Variants in DLGAP3 observed in about 807,000 individuals in gnomAD.
DLGAP3 encodes the protein DLG associated protein 3, also known as disks large-associated protein 3.
Under a neutral mutation model 81.2 loss-of-function variants are expected in DLGAP3, and 17 were observed. The ratio of observed to expected loss-of-function variants is 0.21; its 90% CI spans 0.14 to 0.31. DLGAP3 has a LOEUF of 0.31. DLGAP3 is among the 10% of genes least tolerant of loss of function. DLGAP3 has a pLI of 1.00. For missense variants in DLGAP3, 1,124 were observed against 1,388.0 expected (o/e 0.81, Z 3.02); for synonymous variants, 577 against 587.4 (o/e 0.98, Z 0.26).
chr1:34,881,993 T>A (rs1436271327), intron 8 of DLGAP3, among the ~76,000 whole-genome samples: 1 of 152,208 alleles, frequency 6.6e-6, no homozygotes, highest in African/African-American at 2.4e-5. Flanking sequence ...ACAGAAGTCC[T>A]ATTCAATGCA....
chr1:34,885,625 G>T lies in DLGAP3; in HGVS notation c.1767C>A (p.Ala589=). Residue 589 remains alanine, a synonymous_variant, in exon 7 of 12, where the codon GCC becomes GCA. Coordinates refer to ENST00000373347, the MANE Select transcript of DLGAP3 (RefSeq NM_001080418.3). ...CCAACTCCAGTGTGCGCGCACCCAT[G>T]GCGGGGCCGTCCAGCCCGTCGGCGG... The part of the protein sequence containing the change: ...CSSADGLDGP[A]MGARTLELAP... 6 of 1,544,700 alleles carry T rather than the reference G, an allele frequency of 3.9e-6. No homozygotes were observed. Among genetic ancestry groups the T allele is most frequent in the Non-Finnish European group, 5.2e-6 (6 of 1,150,338 alleles).
chr1:34,910,157 G>A (rs927591888), intron 1 of DLGAP3, among the ~76,000 whole-genome samples: 18 of 152,146 alleles, frequency 1.2e-4, no homozygotes, highest in African/African-American at 3.6e-4. Context: ...TGGCATCATC[G>A]GGCCATGGAA....
intron 5 of DLGAP3, among the ~76,000 whole-genome samples, chr1:34,888,016 T>C (rs1393754439): frequency 6.6e-6 from 1 of 152,066 alleles, no homozygotes; most frequent in Non-Finnish European, 1.5e-5. Context: ...GAGACAATCA[T>C]CCCCTGTGGA....
intron 3 of DLGAP3, among the ~76,000 whole-genome samples, chr1:34,901,250 G>A (rs1335783104): frequency 1.3e-5 from 2 of 152,058 alleles, no homozygotes; most frequent in Non-Finnish European, 2.9e-5. Flanking sequence ...GAGATGAGCA[G>A]AGATCCACTG....
At chr1:34,912,867 C>T (rs965174552) in intron 1 of DLGAP3, among the ~76,000 whole-genome samples, 2 of 152,228 alleles carry the variant, frequency 1.3e-5, no homozygotes. Context: ...CATGGATAGG[C>T]ATCCCTCTGC....
At chr1:34,878,184 G>T (rs1034709676) in intron 8 of DLGAP3, among the ~76,000 whole-genome samples, 1 of 152,140 alleles carries the variant, frequency 6.6e-6, no homozygotes, top group African/African-American at 2.4e-5. Context: ...GCACATGCCT[G>T]TAAACCCAGC....
In DLGAP3 at chr1:34,868,777, A is replaced by C; in HGVS notation, c.2313T>G (p.Arg771=). The C allele has an allele frequency of 6.3e-7, 1 of 1,590,970 alleles. No homozygotes were observed. Among genetic ancestry groups the C allele is most frequent in the Non-Finnish European group, 8.5e-7 (1 of 1,171,836 alleles). ...APTPGPGAGR[R]DSWIERGSRS... ...GTGAACCGCGCTCTATCCAGGAGTC[A>C]CGGCGGCCGGCCCCAGGGCCGGGGG... The change falls in exon 9 of 12, where the codon CGT becomes CGG. Residue 771 remains arginine (R), a synonymous_variant. Coordinates refer to ENST00000373347, the MANE Select transcript of DLGAP3 (RefSeq NM_001080418.3). The surrounding 1 kb of genome is among the most constrained non-coding windows in gnomAD (Gnocchi z 7.5).
intron 2 of DLGAP3, among the ~76,000 whole-genome samples, chr1:34,906,033 T>TATATATATATATATATATATATATATATA (rs61679607): frequency 2.4e-5 from 3 of 123,442 alleles, no homozygotes; most frequent in East Asian, 2.3e-4. Flanking sequence ...TATATATATA[T>TATATATATATATATATATATATATATATA]TTGTTTGTTT....
At chr1:34,919,306 G>A (rs1468418848) in intron 1 of DLGAP3, among the ~76,000 whole-genome samples, 1 of 152,196 alleles carries the variant, frequency 6.6e-6, no homozygotes, top group Non-Finnish European at 1.5e-5. Context: ...GAGTGGCATG[G>A]GGTGGGGCAG....
intron 3 of DLGAP3, among the ~76,000 whole-genome samples, chr1:34,901,159 G>C (rs1313931496): frequency 6.6e-6 from 1 of 152,130 alleles, no homozygotes; most frequent in African/African-American, 2.4e-5. Flanking sequence ...GGAGATCGGG[G>C]CTGGAGGCGG....
At chr1:34,893,227 G>A (rs565848987) in intron 5 of DLGAP3, among the ~76,000 whole-genome samples, 1 of 151,024 alleles carries the variant, frequency 6.6e-6, no homozygotes, top group East Asian at 1.9e-4. Context: ...CAGTGGAGTG[G>A]TATATTCTAA....
chr1:34,918,420 C>A (rs1037758428), intron 1 of DLGAP3, among the ~76,000 whole-genome samples: 2 of 152,206 alleles, frequency 1.3e-5, no homozygotes, highest in African/African-American at 4.8e-5. Context: ...TTGGCCCACC[C>A]CTGCCTCACT....
At position 34,899,820 on chromosome 1, in the gene DLGAP3, C is replaced by T. The variant is rs990594245; in HGVS notation, c.1314-79G>A. ...GAGGGGAGATAATAGCACTGGGGCC[C>T]CTGAGTAAGTCCTATTCCTCAGAAC... On this transcript the variant is annotated intron_variant, in intron 4 of 11. Transcript: ENST00000373347. 11 of 1,362,540 alleles carry T rather than the reference C, an allele frequency of 8.1e-6. No homozygotes were observed. The African/African-American group carries it at 1.1e-4, about 14-fold the overall frequency. The allele number at this position is 1,362,540 out of a possible 1,614,324, so 84.4% of individuals were successfully genotyped here. A position where few individuals can be genotyped will look rare whatever the true frequency, so the allele number is the denominator to read the frequency against.
rs764533275 is a variant in DLGAP3, at chr1:34,902,034, A to C, written c.1108-1761T>G. Among the ~76,000 whole-genome samples the C allele has an allele frequency of 1.3e-5, 2 of 152,146 alleles. No homozygotes were observed. The highest frequency in any genetic ancestry group is 2.9e-5 in the Non-Finnish European group (2 of 68,026). ...GTGGTCCCAGCTTTTCCTATGAGCC[A>C]AGGAAGGGGACGAGGGTGGCTGGGA... On this transcript the variant is annotated intron_variant, in intron 3 of 11. Transcript: ENST00000373347. This position sits in a 1 kb window ranked among gnomAD's most constrained non-coding sequence, Gnocchi z 4.4.
At chr1:34,919,046 T>A (rs1639762063) in intron 1 of DLGAP3, among the ~76,000 whole-genome samples, 1 of 152,086 alleles carries the variant, frequency 6.6e-6, no homozygotes, top group African/African-American at 2.4e-5. Context: ...CGCGGGCAGG[T>A]GGGCGGCTCT....
At chr1:34,879,338 A>T (rs1197714895) in intron 8 of DLGAP3, among the ~76,000 whole-genome samples, 1 of 152,162 alleles carries the variant, frequency 6.6e-6, no homozygotes, top group African/African-American at 2.4e-5. Context: ...GGAGCACACA[A>T]CCTAGATCCC....
intron 8 of DLGAP3, among the ~76,000 whole-genome samples, chr1:34,871,600 C>G (rs977455943): frequency 6.6e-6 from 1 of 152,202 alleles, no homozygotes; most frequent in Non-Finnish European, 1.5e-5. Context: ...GTGGCTCCTT[C>G]AGAGCTACAG....
intron 5 of DLGAP3, among the ~76,000 whole-genome samples, chr1:34,897,394 GA>G (rs1639395635): frequency 6.6e-6 from 1 of 152,170 alleles, no homozygotes; most frequent in Admixed American, 6.5e-5. Context: ...GGGCATTTGG[GA>G]AAAGACCTGA....
intron 2 of DLGAP3, among the ~76,000 whole-genome samples, chr1:34,905,794 A>AT (rs1553123705): frequency 6.6e-6 from 1 of 151,894 alleles, no homozygotes; most frequent in Non-Finnish European, 1.5e-5. Context: ...ACTTGAGCCC[A>AT]GCAGTTCGAG....
Sources: allele counts gnomAD v4.1 joint callset (sites outside exome capture counted in the v4.1 genomes callset), GRCh38; gene constraint gnomAD v4.1.1; non-coding constraint Gnocchi (gnomAD v3.1); transcripts MANE v1.5; gene names NCBI Gene and HGNC (gene_info 2026-07-23, HGNC 2026-07-21).